The following ABCA13 variants were observed in gnomAD, a reference collection of about 807,000 sequenced individuals.
ABCA13 encodes ATP-binding cassette sub-family A member 13.
Under a neutral mutation model 478.7 loss-of-function variants are expected in ABCA13, and 476 were observed. The observed-to-expected ratio is 0.99, with a 90% CI of 0.92 to 1.07. The LOEUF is 1.07. ABCA13 is among the 50% of genes least tolerant of loss of function. The pLI is 0.00. For missense variants in ABCA13, 6,060 were observed against 5,910.6 expected (o/e 1.03, Z -0.83); for synonymous variants, 2,252 against 2,158.9 (o/e 1.04, Z -1.20).
At chr7:48,635,007 C>A (rs962340881) in intron 59 of ABCA13, among the ~76,000 whole-genome samples, 1 of 151,960 alleles carries the variant, frequency 6.6e-6, no homozygotes, top group South Asian at 2.1e-4. Flanking sequence ...TAAAGGACTC[C>A]TTCCTGAGAT....
At position 48,245,568 on chromosome 7, in the gene ABCA13, C is replaced by A; in HGVS notation, c.1447C>A (p.Gln483Lys). ...ANDFKWFELNQLKLEKDVFFW... is the reference protein window; with the variant it reads ...ANDFKWFELNKLKLEKDVFFW... Reference sequence around the variant, plus strand: ...TGATTTTAAATGGTTTGAACTTAACCAATTGAAACTGGAAAAGGATGTGTT... The same window carrying A: ...TGATTTTAAATGGTTTGAACTTAACAAATTGAAACTGGAAAAGGATGTGTT... The change falls in exon 12 of 62, where the codon CAA becomes AAA. Residue 483 changes from glutamine (Q) to lysine (K), a missense_variant. Transcript: ENST00000435803. 6.2e-7 allele frequency: 1 copy of A among 1,613,074 alleles called. No homozygotes were observed. The highest frequency in any genetic ancestry group is 8.5e-7 in the Non-Finnish European group (1 of 1,179,612).
At chr7:48,185,422 T>C (rs1270659480) in intron 1 of ABCA13, among the ~76,000 whole-genome samples, 1 of 152,170 alleles carries the variant, frequency 6.6e-6, no homozygotes, top group Non-Finnish European at 1.5e-5. Context: ...AATCAGCTCA[T>C]TAAGTATGAT....
intron 20 of ABCA13, among the ~76,000 whole-genome samples, chr7:48,295,485 G>T (rs2128829360): frequency 6.6e-6 from 1 of 152,324 alleles, no homozygotes; most frequent in East Asian, 1.9e-4. Context: ...GTGTGTTCAA[G>T]AACAAGCTGT....
chr7:48,602,736 A>G (rs1791038784), intron 58 of ABCA13, among the ~76,000 whole-genome samples: 1 of 150,100 alleles, frequency 6.7e-6, no homozygotes, highest in Non-Finnish European at 1.5e-5. Flanking sequence ...TGAAATTTAA[A>G]GTGGTTTTTT....
At position 48,278,663 on chromosome 7, in the gene ABCA13, AC is replaced by A. The variant is rs775160524; in HGVS notation, c.7470del (p.His2490GlnfsTer3). On this transcript the variant is annotated frameshift_variant, in exon 18 of 62. Coordinates refer to ENST00000435803, the MANE Select transcript of ABCA13 (RefSeq NM_152701.5). LOFTEE classifies it high-confidence loss of function. ...ATTTCAAGAGCAAGTGAAGAAAGTC[AC>A]GTCCTGAAACCCCTCTTAGAAATGT... ...GAISRASEES[H>X]VLKPLLEMSG... is the part of the protein sequence containing the mutation. The A allele has an allele frequency of 6.2e-7, 1 of 1,613,666 alleles. No individual in the cohort carries two copies. The highest frequency in any genetic ancestry group is 1.7e-5 in the Admixed American group (1 of 60,018).
At position 48,219,412 on chromosome 7, in the gene ABCA13, A is replaced by G. The variant is rs1282223648; in HGVS notation, c.346A>G (p.Lys116Glu). Residue 116 changes from lysine to glutamate, a missense_variant, in exon 4 of 62, where the codon AAA (lysine) becomes GAA (glutamate). Physicochemically the swap from Lys to Glu is moderately conservative, Grantham distance 56. Transcript: ENST00000435803. The stretch of plus-strand genomic sequence containing the variant: ...GAAAGTCAACAACCTGGCCTTTTTA[A>G]AAGAGATACAAGACCTGGCAGAGGA... ...PKKVNNLAFL[K>E]EIQDLAEEIH... 18 of 1,613,048 alleles carry G rather than the reference A, an allele frequency of 1.1e-5. No homozygotes were observed. Among genetic ancestry groups the G allele is most frequent in the Non-Finnish European group, 8.5e-6 (10 of 1,179,628 alleles).
At chr7:48,355,012 A>G (rs1809661441) in intron 31 of ABCA13, among the ~76,000 whole-genome samples, 1 of 152,096 alleles carries the variant, frequency 6.6e-6, no homozygotes, top group Non-Finnish European at 1.5e-5. Context: ...GAATAAGTAA[A>G]GAAAATAAGT....
chr7:48,616,021 A>C (rs938932866), intron 59 of ABCA13, among the ~76,000 whole-genome samples: 3 of 152,164 alleles, frequency 2.0e-5, no homozygotes, highest in African/African-American at 7.2e-5. Flanking sequence ...ACATTAAAAA[A>C]ATTAAAGTTG....
chr7:48,393,563 T>G (rs1816394062), intron 38 of ABCA13, among the ~76,000 whole-genome samples: 1 of 152,224 alleles, frequency 6.6e-6, no homozygotes, highest in South Asian at 2.1e-4. Context: ...AAATAAGTAT[T>G]TACAATCTGC....
At chr7:48,303,400 A>G (rs1328523970) in intron 23 of ABCA13, among the ~76,000 whole-genome samples, 3 of 152,134 alleles carry the variant, frequency 2.0e-5, no homozygotes, top group African/African-American at 7.2e-5. Flanking sequence ...TTCATCATGA[A>G]GTCTTTGCCC....
At chr7:48,177,492 C>G (rs1046329217) in intron 1 of ABCA13, among the ~76,000 whole-genome samples, 17 of 152,304 alleles carry the variant, frequency 1.1e-4, no homozygotes, top group African/African-American at 3.8e-4. Flanking sequence ...CACCCAGGGG[C>G]GCTCCATACA....
intron 15 of ABCA13, among the ~76,000 whole-genome samples, chr7:48,263,536 G>C (rs1794471078): frequency 6.6e-6 from 1 of 151,740 alleles, no homozygotes. Context: ...AATTTACATA[G>C]TTTTCTTTAC....
chr7:48,177,990 G>A (rs1044741553), intron 1 of ABCA13, among the ~76,000 whole-genome samples: 2 of 152,166 alleles, frequency 1.3e-5, no homozygotes, highest in Non-Finnish European at 2.9e-5. Context: ...TCTAGGAAAA[G>A]CAGTTCAGAA....
rs577385506 is a variant in ABCA13, at chr7:48,275,615, C to T, written c.5949C>T (p.Ile1983=). ...ILDKLSSLNK[I]LNINEDTETS... is the part of the protein sequence containing the mutation. ...ACAAACTAAGTAGTTTAAACAAGAT[C>T]CTTAACATTAATGAAGACACAGAGA... The change falls in exon 17 of 62, where the codon ATC becomes ATT. Residue 1983 remains isoleucine, a synonymous_variant. Coordinates refer to ENST00000435803, the MANE Select transcript of ABCA13 (RefSeq NM_152701.5). 14 of 1,609,142 alleles carry T rather than the reference C, an allele frequency of 8.7e-6. No individual in the cohort carries two copies. The East Asian group carries it at 1.3e-4, about 15-fold the overall frequency.
At chr7:48,570,379 C>T (rs1435109243) in intron 55 of ABCA13, among the ~76,000 whole-genome samples, 1 of 128,624 alleles carries the variant, frequency 7.8e-6, no homozygotes, top group Non-Finnish European at 1.5e-5. Context: ...GGCTGGAGTG[C>T]AGTGGCGCAA....
At chr7:48,342,889 G>A (rs1461955378) in intron 29 of ABCA13, among the ~76,000 whole-genome samples, 1 of 151,990 alleles carries the variant, frequency 6.6e-6, no homozygotes, top group African/African-American at 2.4e-5. Flanking sequence ...CATTTCAGTT[G>A]TTGCATTTTC....
At chr7:48,172,891 C>T (rs1299697340) in intron 1 of ABCA13, among the ~76,000 whole-genome samples, 2 of 142,374 alleles carry the variant, frequency 1.4e-5, no homozygotes, top group Admixed American at 7.0e-5. Flanking sequence ...TTAGTGTGTT[C>T]GTGTCTGTGT....
intron 26 of ABCA13, among the ~76,000 whole-genome samples, chr7:48,316,867 G>A (rs1274067415): frequency 6.6e-6 from 1 of 152,166 alleles, no homozygotes; most frequent in Non-Finnish European, 1.5e-5. Context: ...AATAGAGTGA[G>A]AACTACACTC....
intron 57 of ABCA13, among the ~76,000 whole-genome samples, chr7:48,588,244 A>G: frequency 6.6e-6 from 1 of 152,224 alleles, no homozygotes; most frequent in East Asian, 1.9e-4. Context: ...GTATAGTTTC[A>G]TATTCCAGAA....
Sources: gnomAD v4.1 joint callset for allele counts (sites outside exome capture counted in the v4.1 genomes callset) on GRCh38, gnomAD v4.1.1 for gene constraint, MANE v1.5 for transcripts, NCBI Gene and HGNC (gene_info 2026-07-23, HGNC 2026-07-21) for gene names.